The following TSEN2 variants were observed in gnomAD, a reference collection of about 807,000 sequenced individuals.
TSEN2 encodes the protein tRNA-splicing endonuclease subunit Sen2.
In TSEN2, 54 loss-of-function variants were observed where a neutral mutation model predicts 59.2. The ratio of observed to expected loss-of-function variants is 0.91; its 90% CI spans 0.73 to 1.14. The LOEUF (loss-of-function observed/expected upper bound fraction) is 1.14. Among genes scored for constraint, TSEN2 ranks in the 50% most tolerant of loss-of-function variants. The pLI is 0.00. For synonymous variants in TSEN2, 195 were observed against 198.2 expected, an observed-to-expected ratio of 0.98 and a Z score of 0.14; for missense variants, 636 against 576.2, an observed-to-expected ratio of 1.10 and a Z score of -1.06.
chr3:12,505,065 T>C (rs2054668554), intron 5 of TSEN2, 89 bp from the exon 6 acceptor site: 1 of 828,094 alleles, frequency 1.2e-6, no homozygotes. Flanking sequence ...CCTGGGAATT[T>C]ATAAGAAAAA....
chr3:12,496,614 G>C, intron 4 of TSEN2, 60 bp downstream of exon 4: 1 of 1,577,640 alleles, frequency 6.3e-7, no homozygotes, highest in Non-Finnish European at 8.7e-7. Flanking sequence ...ATGTTTTTAG[G>C]TAGTCTTGTC....
intron 6 of TSEN2, among the ~76,000 whole-genome samples, chr3:12,513,198 T>C (rs944080066): frequency 2.0e-5 from 3 of 152,236 alleles, no homozygotes; most frequent in Non-Finnish European, 4.4e-5. Flanking sequence ...GGGAAATGTA[T>C]GCTTGCTGAT....
chr3:12,482,340 C>T (rs981198884), upstream of TSEN2, among the ~76,000 whole-genome samples: 2 of 152,080 alleles, frequency 1.3e-5, no homozygotes, highest in African/African-American at 2.4e-5. Context: ...AGGCTGGTCT[C>T]GAACTCCCAA....
intron 6 of TSEN2, among the ~76,000 whole-genome samples, 157 bp from the exon 7 acceptor site, chr3:12,516,442 ATATATGTGTGTG>A (rs1164158454): frequency 2.3e-3 from 207 of 89,168 alleles, no homozygotes; most frequent in African/African-American, 5.3e-3. Context: ...AACAAACAAA[ATATATGTGTGTG>A]TGTGTGTGTG....
Position 12,533,493 on chromosome 3 carries a change from C to G in TSEN2, c.*772C>G, listed in dbSNP as rs925043527. 6.6e-5 allele frequency: 10 copies of G among 151,942 alleles called. No individual in the cohort carries two copies. The highest frequency in any genetic ancestry group is 2.4e-4 in the African/African-American group (10 of 41,274). The allele number at this position is 151,942 out of a possible 1,614,324, so 9.4% of individuals were successfully genotyped here. ...CAGCTTGGGCAACATGGTGAAACCT[C>G]CTCTCTACTAACAAAAATTATCCAA... On this transcript the variant is annotated 3_prime_UTR_variant, in exon 12 of 12. Coordinates refer to ENST00000284995, the MANE Select transcript of TSEN2 (RefSeq NM_025265.4).
At chr3:12,509,008 A>G (rs972429170) in intron 6 of TSEN2, among the ~76,000 whole-genome samples, 10 of 152,280 alleles carry the variant, frequency 6.6e-5, no homozygotes, top group Middle Eastern at 6.8e-3. Flanking sequence ...TTACAGGTGC[A>G]TGCTACACCA....
intron 8 of TSEN2, among the ~76,000 whole-genome samples, chr3:12,527,335 T>A (rs1387498371): frequency 6.6e-6 from 1 of 152,212 alleles, no homozygotes; most frequent in Non-Finnish European, 1.5e-5. Flanking sequence ...AATTTGGCTC[T>A]GAGCTTCCTG....
downstream of TSEN2, among the ~76,000 whole-genome samples, chr3:12,534,030 A>T (rs957797767): frequency 3.9e-5 from 6 of 152,158 alleles, no homozygotes; most frequent in Admixed American, 3.9e-4. Flanking sequence ...CCAGTCATGC[A>T]CGTGGAGGAC....
At chr3:12,494,750 A>G (rs2053572575) in intron 3 of TSEN2, among the ~76,000 whole-genome samples, 2 of 151,522 alleles carry the variant, frequency 1.3e-5, no homozygotes, top group Admixed American at 1.3e-4. Flanking sequence ...AAATTCCAGT[A>G]GGAAGGGATG....
chr3:12,496,992 C>A (rs2053814059), intron 4 of TSEN2, among the ~76,000 whole-genome samples: 1 of 152,144 alleles, frequency 6.6e-6, no homozygotes, highest in Admixed American at 6.5e-5. Flanking sequence ...TCCCTGACTC[C>A]CCAAACACAC....
In TSEN2 at chr3:12,529,980, A is replaced by G. The variant is rs981614186; in HGVS notation, c.1248+107A>G. On this transcript the variant is annotated intron_variant, in intron 10 of 11. Coordinates refer to ENST00000284995, the MANE Select transcript of TSEN2 (RefSeq NM_025265.4). The stretch of plus-strand genomic sequence containing the variant: ...AAAAGTTAGTTGTAGAAACTTCATA[A>G]CATTCCTGCCAGTGACATGCTGGAA... The G allele has an allele frequency of 2.6e-6, 4 of 1,518,468 alleles. No homozygotes were observed. In the African/African-American group the frequency reaches 5.6e-5, roughly 21 times the overall value. The allele number at this position is 1,518,468 out of a possible 1,614,324, so 94.1% of individuals were successfully genotyped here.
Position 12,501,668 on chromosome 3 carries a change from G to T in TSEN2, c.309-1594G>T, listed in dbSNP as rs114278509. On this transcript the variant is annotated intron_variant, in intron 4 of 11. Transcript: ENST00000284995. ...AAATTTGCGTGTCATCTTTGCACAG[G>T]GGCCATTCTAAGTATATGTGCTGCC... Among the ~76,000 whole-genome samples the T allele has an allele frequency of 2.3e-3, 352 of 152,144 alleles. 1 individual carries two copies. The highest frequency in any genetic ancestry group is 6.8e-3 in the Middle Eastern group (2 of 294).
intron 9 of TSEN2, among the ~76,000 whole-genome samples, chr3:12,529,465 C>CAAA (rs36043558): frequency 1.8e-4 from 19 of 105,614 alleles, no homozygotes; most frequent in African/African-American, 2.4e-4. Flanking sequence ...GACTCCGTCT[C>CAAA]AAAAAAAAAA....
intron 1 of TSEN2, among the ~76,000 whole-genome samples, chr3:12,485,332 G>A (rs1340921051): frequency 2.0e-5 from 3 of 152,202 alleles, no homozygotes; most frequent in Admixed American, 6.5e-5. Flanking sequence ...GTGTTAGCCT[G>A]TGTGCTCGAG....
intron 11 of TSEN2, among the ~76,000 whole-genome samples, 177 bp downstream of exon 11, chr3:12,531,836 T>C (rs146236525): frequency 2.6e-5 from 4 of 152,320 alleles, no homozygotes; most frequent in African/African-American, 7.2e-5. Flanking sequence ...ACACGAAATC[T>C]ATGCTGACTT....
At position 12,515,692 on chromosome 3, in the gene TSEN2, A is replaced by G. The variant is rs145582370; in HGVS notation, c.910-919A>G. On this transcript the variant is annotated intron_variant, in intron 6 of 11. Coordinates refer to ENST00000284995, the MANE Select transcript of TSEN2 (RefSeq NM_025265.4). ...TTTTCATTTCCATTTAAGTGTGACT[A>G]TATTCAACTGGAGCCAATTTTCTTT... Among the ~76,000 whole-genome samples, 194 of 152,294 alleles carry G rather than the reference A, an allele frequency of 1.3e-3. No homozygotes were observed. The Middle Eastern group carries it at 0.014, about 11-fold the overall frequency.
chr3:12,522,382 A>G (rs2056719353), intron 8 of TSEN2, among the ~76,000 whole-genome samples: 1 of 152,124 alleles, frequency 6.6e-6, no homozygotes, highest in East Asian at 1.9e-4. Flanking sequence ...TAATACATTA[A>G]TTGTACAATT....
Position 12,519,063 on chromosome 3 carries a change from CT to C in TSEN2, c.968del (p.Leu323Ter). The C allele has an allele frequency of 1.2e-6, 2 of 1,614,164 alleles. No homozygotes were observed. Among genetic ancestry groups the C allele is most frequent in the Non-Finnish European group, 1.7e-6 (2 of 1,180,032 alleles). The part of the protein sequence containing the change: ...GCLSIYYEKE[P>X]LTIVKLWKAF... ...TTTTTTTGTAAATAACTTTAGGAGC[CT>C]TTAACGATAGTGAAGCTCTGGAAAG... On this transcript the variant is annotated frameshift_variant, in exon 8 of 12. Transcript: ENST00000284995. LOFTEE classifies it high-confidence loss of function.
intron 6 of TSEN2, among the ~76,000 whole-genome samples, chr3:12,509,806 A>G (rs577654310): frequency 6.6e-6 from 1 of 152,320 alleles, no homozygotes; most frequent in Admixed American, 6.5e-5. Context: ...AGCCTGGGGA[A>G]TAAACTAGAA....
Sources: gnomAD v4.1 joint callset for allele counts (sites outside exome capture counted in the v4.1 genomes callset) on GRCh38, gnomAD v4.1.1 for gene constraint, MANE v1.5 for transcripts, NCBI Gene and HGNC (gene_info 2026-07-23, HGNC 2026-07-21) for gene names.